Variants in GPC6 observed in about 807,000 individuals in gnomAD.
The protein encoded by GPC6 is glypican 6, also known as glypican-6.
Under a neutral mutation model 55.2 loss-of-function variants are expected in GPC6, and 14 were observed. The observed-to-expected ratio is 0.25, with a 90% CI of 0.17 to 0.40. The LOEUF is 0.40. GPC6 is among the 10% of genes least tolerant of loss of function. The pLI is 1.00. For missense variants in GPC6, 641 were observed against 708.5 expected, an observed-to-expected ratio of 0.90 and a Z score of 1.08; for synonymous variants, 278 against 259.6, an observed-to-expected ratio of 1.07 and a Z score of -0.68.
intron 1 of GPC6, among the ~76,000 whole-genome samples, chr13:93,231,427 A>ACG: frequency 1.1e-5 from 1 of 87,056 alleles, no homozygotes; most frequent in Non-Finnish European, 2.3e-5. Flanking sequence ...ATATATACGT[A>ACG]TATATATATA....
intron 4 of GPC6, among the ~76,000 whole-genome samples, chr13:94,212,229 C>G (rs1162315340): frequency 6.6e-6 from 1 of 152,088 alleles, no homozygotes; most frequent in Non-Finnish European, 1.5e-5. Context: ...TTATTTTGAA[C>G]AAGTCATGAT....
intron 4 of GPC6, among the ~76,000 whole-genome samples, chr13:94,116,336 C>G (rs577365881): frequency 8.6e-5 from 13 of 151,970 alleles, no homozygotes; most frequent in Non-Finnish European, 1.9e-4. Flanking sequence ...CAGATACAGC[C>G]TCCAAACTCA....
At chr13:93,346,651 A>T (rs1053547624) in intron 1 of GPC6, among the ~76,000 whole-genome samples, 1 of 152,138 alleles carries the variant, frequency 6.6e-6, no homozygotes, top group Non-Finnish European at 1.5e-5. Context: ...GAATACATGA[A>T]CCTATGTTTT....
chr13:93,572,416 C>T (rs1876452908), intron 2 of GPC6, among the ~76,000 whole-genome samples: 1 of 152,012 alleles, frequency 6.6e-6, no homozygotes, highest in South Asian at 2.1e-4. Flanking sequence ...ACTGTGGTTC[C>T]CAGATCAGCA....
intron 2 of GPC6, among the ~76,000 whole-genome samples, chr13:93,558,366 C>T (rs2139454701): frequency 6.6e-6 from 1 of 152,218 alleles, no homozygotes; most frequent in East Asian, 1.9e-4. Flanking sequence ...AACTGGAATG[C>T]TGATCGGTAC....
intron 1 of GPC6, among the ~76,000 whole-genome samples, chr13:93,440,202 C>G (rs1049391620): frequency 6.6e-6 from 1 of 152,166 alleles, no homozygotes; most frequent in Non-Finnish European, 1.5e-5. Context: ...GATCATCAGT[C>G]TTCTTCACAG....
chr13:94,269,486 G>A (rs1891924426), intron 4 of GPC6, among the ~76,000 whole-genome samples: 1 of 152,206 alleles, frequency 6.6e-6, no homozygotes. Flanking sequence ...AATGAAGCTA[G>A]AAGTAAAGGT....
At chr13:94,352,855 T>G (rs1878619509) in intron 6 of GPC6, among the ~76,000 whole-genome samples, 1 of 152,186 alleles carries the variant, frequency 6.6e-6, no homozygotes, top group South Asian at 2.1e-4. Context: ...GGGGCAACCT[T>G]CAAGGTGGCT....
intron 2 of GPC6, among the ~76,000 whole-genome samples, chr13:93,828,642 C>T (rs879859140): frequency 4.6e-5 from 7 of 151,972 alleles, no homozygotes; most frequent in Admixed American, 6.6e-5. Context: ...ATTTGGTGAC[C>T]TGGACAAAAT....
intron 3 of GPC6, among the ~76,000 whole-genome samples, chr13:93,864,842 T>C (rs772389569): frequency 2.6e-5 from 4 of 151,722 alleles, no homozygotes; most frequent in Non-Finnish European, 5.9e-5. Context: ...ACAGTGTAGT[T>C]GTCCAGGCGG....
chr13:94,397,694 T>G (rs1379981828), intron 7 of GPC6, among the ~76,000 whole-genome samples: 2 of 152,172 alleles, frequency 1.3e-5, no homozygotes, highest in African/African-American at 4.8e-5. Flanking sequence ...CATATGTAAT[T>G]TATAAGCCCA....
chr13:93,991,934 G>C (rs1881327580), intron 3 of GPC6, among the ~76,000 whole-genome samples: 1 of 151,950 alleles, frequency 6.6e-6, no homozygotes, highest in Non-Finnish European at 1.5e-5. Flanking sequence ...ATAAGTCCTA[G>C]AACTAGCTTT....
rs77061740 is a variant in GPC6 at position 93,600,582 on chromosome 13, T to A, written c.319+55161T>A. Among the ~76,000 whole-genome samples the A allele has an allele frequency of 5.8e-3, 890 of 152,318 alleles. 15 individuals carry two copies. Among genetic ancestry groups the A allele is most frequent in the African/African-American group, 0.02 (835 of 41,576 alleles). ...GACACTCAATCTGGGTAGAAAGGTCTCTGAGTGAGTGAGTTAGAGAGTGGG... is the reference window on the plus strand; with the variant it reads ...GACACTCAATCTGGGTAGAAAGGTCACTGAGTGAGTGAGTTAGAGAGTGGG... On this transcript the variant is annotated intron_variant, in intron 2 of 8. Transcript: ENST00000377047.
intron 1 of GPC6, among the ~76,000 whole-genome samples, chr13:93,361,780 G>A (rs147846686): frequency 6.6e-6 from 1 of 152,066 alleles, no homozygotes; most frequent in Non-Finnish European, 1.5e-5. Context: ...TAGTGGTTAG[G>A]CAGAAAAAAA....
intron 6 of GPC6, among the ~76,000 whole-genome samples, chr13:94,351,240 G>T (rs1477060235): frequency 6.6e-6 from 1 of 151,694 alleles, no homozygotes; most frequent in Non-Finnish European, 1.5e-5. Flanking sequence ...GTGTATATCG[G>T]TGGCAATTTT....
intron 4 of GPC6, among the ~76,000 whole-genome samples, chr13:94,235,672 A>G (rs1354478518): frequency 6.6e-6 from 1 of 152,152 alleles, no homozygotes; most frequent in South Asian, 2.1e-4. Flanking sequence ...TACATATTCA[A>G]GCTCTCTGAA....
At chr13:93,347,617 A>G (rs890571030) in intron 1 of GPC6, among the ~76,000 whole-genome samples, 1 of 152,198 alleles carries the variant, frequency 6.6e-6, no homozygotes, top group Non-Finnish European at 1.5e-5. Flanking sequence ...GCTAGCCAGT[A>G]TGGAAGGTCT....
chr13:93,290,015 G>T (rs1012130975), intron 1 of GPC6, among the ~76,000 whole-genome samples: 2 of 152,122 alleles, frequency 1.3e-5, no homozygotes, highest in Non-Finnish European at 2.9e-5. Context: ...GAATATGGTA[G>T]AATTTCTTTA....
chr13:93,324,524 T>G (rs1879569917), intron 1 of GPC6, among the ~76,000 whole-genome samples: 1 of 136,282 alleles, frequency 7.3e-6, no homozygotes, highest in East Asian at 2.0e-4. Context: ...TGTATTAAAA[T>G]ATCTCATGTA....
Sources: allele counts gnomAD v4.1 joint callset (sites outside exome capture counted in the v4.1 genomes callset), GRCh38; gene constraint gnomAD v4.1.1; transcripts MANE v1.5; gene names NCBI Gene and HGNC (gene_info 2026-07-23, HGNC 2026-07-21).